The following PHLDB1 variants were observed in gnomAD, a reference collection of about 807,000 sequenced individuals.
PHLDB1 encodes the protein pleckstrin homology-like domain family B member 1.
In PHLDB1, 65 loss-of-function variants were observed where a neutral mutation model predicts 139.3. The observed-to-expected ratio is 0.47, with a 90% CI of 0.38 to 0.57. PHLDB1 has a LOEUF of 0.57. PHLDB1 is among the 20% of genes least tolerant of loss of function. The pLI, the probability that PHLDB1 is intolerant of heterozygous loss-of-function variation, is 0.00. For synonymous variants in PHLDB1, 679 were observed against 734.5 expected, an observed-to-expected ratio of 0.92 and a Z score of 1.22; for missense variants, 1,624 against 1,839.7, an observed-to-expected ratio of 0.88 and a Z score of 2.14.
intron 10 of PHLDB1, among the ~76,000 whole-genome samples, 177 bp downstream of exon 10, chr11:118,635,725 G>A (rs1475442515): frequency 6.6e-6 from 1 of 152,270 alleles, no homozygotes; most frequent in Non-Finnish European, 1.5e-5. Context: ...AGAATAGGAT[G>A]TGATTGTAAT....
Position 118,627,459 on chromosome 11 carries a change from T to C in PHLDB1, c.636T>C (p.Ala212=). The part of the protein sequence containing the change: ...DSLVLEEPGA[A]GKKPAATSPL... ...TGGTGCTAGAGGAGCCTGGAGCTGCTGGCAAGAAGCCTGCCGCAACCTCTC... is the reference window on the plus strand; with the variant it reads ...TGGTGCTAGAGGAGCCTGGAGCTGCCGGCAAGAAGCCTGCCGCAACCTCTC... Residue 212 remains alanine (A), a synonymous_variant, in exon 6 of 23, where the codon GCT becomes GCC. Coordinates refer to ENST00000600882, the MANE Select transcript of PHLDB1 (RefSeq NM_001144758.3). 6.2e-7 allele frequency: 1 copy of C among 1,614,176 alleles called. No individual in the cohort carries two copies. Among genetic ancestry groups the C allele is most frequent in the Non-Finnish European group, 8.5e-7 (1 of 1,180,026 alleles).
At position 118,628,035 on chromosome 11, in the gene PHLDB1, C is replaced by T; in HGVS notation, c.1212C>T (p.Ser404=). Reference sequence around the variant, plus strand: ...GCACACTCCAGGACCGCCCTCCCAGCCCTTTCCGTGAGCCTCCAGGCAGTG... The same window carrying T: ...GCACACTCCAGGACCGCCCTCCCAGTCCTTTCCGTGAGCCTCCAGGCAGTG... ...KIGTLQDRPP[S]PFREPPGSER... is the part of the protein sequence containing the mutation. Residue 404 remains serine (S), a synonymous_variant, in exon 6 of 23, where the codon AGC becomes AGT. Transcript: ENST00000600882. 3 of 1,613,990 alleles carry T rather than the reference C, an allele frequency of 1.9e-6. No homozygotes were observed. The highest frequency in any genetic ancestry group is 2.5e-6 in the Non-Finnish European group (3 of 1,180,038).
Position 118,644,150 on chromosome 11 carries a change from C to A in PHLDB1, c.3097C>A (p.Arg1033Ser). ...CACACTGCAGGACATCGAGACCAAG[C>A]GCCAACTAGCTCTGCAGCAGAAGGG... is the stretch of plus-strand genomic sequence containing the variant. Reference protein sequence around the residue: ...AATLQDIETKRQLALQQKGQQ... With the variant: ...AATLQDIETKSQLALQQKGQQ... The change falls in exon 15 of 23, where the codon CGC (arginine) becomes AGC (serine). Residue 1033 changes from arginine to serine, a missense_variant. Transcript: ENST00000600882. The A allele has an allele frequency of 1.9e-6, 3 of 1,612,654 alleles. No individual in the cohort carries two copies. The highest frequency in any genetic ancestry group is 2.5e-6 in the Non-Finnish European group (3 of 1,179,632).
intron 12 of PHLDB1, 36 bp from the exon 13 acceptor site, chr11:118,642,218 C>T: frequency 6.2e-7 from 1 of 1,600,198 alleles, no homozygotes; most frequent in Admixed American, 1.7e-5. Flanking sequence ...ATCCTCCCCT[C>T]CTGTCCCCTT....
In PHLDB1 at chr11:118,650,165, C is replaced by T. The variant is rs200684210; in HGVS notation, c.3743C>T (p.Thr1248Ile). Residue 1248 changes from threonine (T) to isoleucine (I), a missense_variant, in exon 19 of 23, where the codon ACC becomes ATC. Coordinates refer to ENST00000600882, the MANE Select transcript of PHLDB1 (RefSeq NM_001144758.3). This position sits in a 1 kb window ranked among gnomAD's most constrained non-coding sequence, Gnocchi z 4.7. ...GAGTCATCGGGCCATGGTGTTGATA[C>T]CTGCCTGCACGTGGTGCTCAGCAGC... ...HIESSGHGVD[T>I]CLHVVLSSKV... is the part of the protein sequence containing the mutation. 150 of 1,613,616 alleles carry T rather than the reference C, an allele frequency of 9.3e-5. No individual in the cohort carries two copies. Among genetic ancestry groups the T allele is most frequent in the Non-Finnish European group, 1.2e-4 (141 of 1,179,616 alleles).
At chr11:118,634,666 CT>C in intron 9 of PHLDB1, 1 of 219,240 alleles carries the variant, frequency 4.6e-6, no homozygotes, top group Non-Finnish European at 9.5e-6. Context: ...AGCTCCTGGC[CT>C]TGGGCCCTCT....
At chr11:118,638,843 C>T (rs1555117424) in intron 10 of PHLDB1, 48 bp from the exon 11 acceptor site, 5 of 1,425,290 alleles carry the variant, frequency 3.5e-6, no homozygotes, top group Non-Finnish European at 1.9e-6. Flanking sequence ...TCACCTTGGG[C>T]TCAGCCCTGT....
At chr11:118,655,463 T>A (rs1948908313) in intron 20 of PHLDB1, 142 bp from the exon 21 acceptor site, 4 of 631,164 alleles carry the variant, frequency 6.3e-6, no homozygotes, top group East Asian at 2.6e-5. Context: ...GATTCTGTAT[T>A]GGGTTCTGTT....
rs1948980923 is a variant in PHLDB1 at position 118,655,862 on chromosome 11, G to T, written c.3963G>T (p.Lys1321Asn). The change falls in exon 22 of 23, where the codon AAG becomes AAT. Residue 1321 changes from lysine to asparagine, a missense_variant and splice_region_variant. Transcript: ENST00000600882. ...CTTTCTCCCTCTCCCCTTCCCAGAA[G>T]AGGTTTTTCCGCTTCACTATGGTGA... ...YYDHLRSAAK[K>N]RFFRFTMVTE... The T allele has an allele frequency of 3.7e-6, 6 of 1,612,714 alleles. No homozygotes were observed. The highest frequency in any genetic ancestry group is 5.1e-6 in the Non-Finnish European group (6 of 1,178,714).
rs1447263302 is a variant in PHLDB1 at position 118,650,502 on chromosome 11, T to C, written c.3829T>C (p.Trp1277Arg). The C allele has an allele frequency of 3.1e-6, 5 of 1,614,042 alleles. No homozygotes were observed. Among genetic ancestry groups the C allele is most frequent in the Non-Finnish European group, 4.2e-6 (5 of 1,180,002 alleles). Residue 1277 changes from tryptophan (W) to arginine (R), a missense_variant, in exon 20 of 23, where the codon TGG becomes CGG. By Grantham distance (101) the Trp-to-Arg change is moderately radical (BLOSUM62 -3). Coordinates refer to ENST00000600882, the MANE Select transcript of PHLDB1 (RefSeq NM_001144758.3). The surrounding 1 kb of genome is among the most constrained non-coding windows in gnomAD (Gnocchi z 4.7). ...GGKIKSWKKR[W>R]FVFDRLKRTL... Reference sequence around the variant, plus strand: ...CAAGATTAAATCATGGAAGAAGCGCTGGTTTGTCTTCGACCGGCTCAAGCG... The same window carrying C: ...CAAGATTAAATCATGGAAGAAGCGCCGGTTTGTCTTCGACCGGCTCAAGCG...
chr11:118,636,423 A>G (rs1185400377), intron 10 of PHLDB1, among the ~76,000 whole-genome samples: 1 of 152,118 alleles, frequency 6.6e-6, no homozygotes, highest in Non-Finnish European at 1.5e-5. Context: ...TCCAGATCCC[A>G]TGCTTCTCTC....
Position 118,655,642 on chromosome 11 carries a change from C to T in PHLDB1, c.3912C>T (p.Phe1304=). Residue 1304 remains phenylalanine (F), a synonymous_variant, in exon 21 of 23, where the codon TTC becomes TTT. Transcript: ENST00000600882. Reference sequence around the variant, plus strand: ...CGAAGCTGAAGGGAGTCATCTATTTCCAGGCCATTGAGGAAGTGTACTACG... The same window carrying T: ...CGAAGCTGAAGGGAGTCATCTATTTTCAGGCCATTGAGGAAGTGTACTACG... The part of the protein sequence containing the change: ...HETKLKGVIY[F]QAIEEVYYDH... 6.2e-7 allele frequency: 1 copy of T among 1,613,580 alleles called. No homozygotes were observed. Among genetic ancestry groups the T allele is most frequent in the Non-Finnish European group, 8.5e-7 (1 of 1,179,672 alleles).
chr11:118,639,411 T>G (rs1946163080), intron 12 of PHLDB1, 160 bp downstream of exon 12: 1 of 637,184 alleles, frequency 1.6e-6, no homozygotes. Context: ...TGGGATTTGA[T>G]TTTCCATGGC....
intron 6 of PHLDB1, 34 bp from the exon 7 acceptor site, chr11:118,631,173 C>T (rs782253022): frequency 2.9e-6 from 4 of 1,381,918 alleles, no homozygotes; most frequent in Admixed American, 5.9e-5. Context: ...TCAGCTTCCT[C>T]CCCTTCATGT....
Position 118,643,802 on chromosome 11 carries a change from T to C in PHLDB1, c.2880T>C (p.Val960=), listed in dbSNP as rs782698751. The C allele has an allele frequency of 3.7e-6, 6 of 1,613,964 alleles. No individual in the cohort carries two copies. The highest frequency in any genetic ancestry group is 3.4e-6 in the Non-Finnish European group (4 of 1,179,994). Residue 960 remains valine (V), a splice_region_variant and synonymous_variant, in exon 14 of 23, where the codon GTT becomes GTC. Coordinates refer to ENST00000600882, the MANE Select transcript of PHLDB1 (RefSeq NM_001144758.3). ...TGGGCACTATCTTTTCTTTCCAGGT[T>C]TACCGCTCCAAGATGGATGGCGAGG... The part of the protein sequence containing the change: ...LPAKASRQLQ[V]YRSKMDGEAT...
chr11:118,627,549 G>T lies in PHLDB1; in HGVS notation c.726G>T (p.Met242Ile). The T allele has an allele frequency of 1.2e-6, 2 of 1,614,088 alleles. No individual in the cohort carries two copies. The highest frequency in any genetic ancestry group is 1.1e-5 in the South Asian group (1 of 91,080). ...CTCCCCCAACCAGCCCCGGCGCCAT[G>T]TCTGTGGGCTCCAGCTATGAGAACA... ...LLSPPTSPGA[M>I]SVGSSYENTS... Residue 242 changes from methionine (M) to isoleucine (I), a missense_variant, in exon 6 of 23, where the codon ATG becomes ATT. Coordinates refer to ENST00000600882, the MANE Select transcript of PHLDB1 (RefSeq NM_001144758.3).
At chr11:118,622,913 G>A (rs538112544) in intron 4 of PHLDB1, among the ~76,000 whole-genome samples, 3 of 152,148 alleles carry the variant, frequency 2.0e-5, no homozygotes, top group Non-Finnish European at 4.4e-5. Flanking sequence ...CTTTAGAATT[G>A]TTGGTGTCTG....
intron 10 of PHLDB1, among the ~76,000 whole-genome samples, chr11:118,636,320 A>G (rs782411057): frequency 1.3e-5 from 2 of 151,786 alleles, no homozygotes; most frequent in Non-Finnish European, 2.9e-5. Context: ...GGGTGGTGAG[A>G]TTGGGGAGGG....
At chr11:118,638,297 T>C (rs1188555020) in intron 10 of PHLDB1, among the ~76,000 whole-genome samples, 1 of 152,182 alleles carries the variant, frequency 6.6e-6, no homozygotes, top group African/African-American at 2.4e-5. Context: ...CTGTGTGTAA[T>C]GAGGAGCCAC....
Sources: allele counts gnomAD v4.1 joint callset (sites outside exome capture counted in the v4.1 genomes callset), GRCh38; gene constraint gnomAD v4.1.1; non-coding constraint Gnocchi (gnomAD v3.1); transcripts MANE v1.5; gene names NCBI Gene and HGNC (gene_info 2026-07-23, HGNC 2026-07-21).